RIMBP2: variants seen among roughly 807,000 people sequenced by gnomAD.
The protein encoded by RIMBP2 is RIMS binding protein 2, also known as RIMS-binding protein 2.
In RIMBP2, 48 loss-of-function variants were observed where a neutral mutation model predicts 118.6. The ratio of observed to expected loss-of-function variants is 0.40; its 90% CI spans 0.32 to 0.51. The LOEUF (loss-of-function observed/expected upper bound fraction) is 0.51, where lower values mean the gene tolerates loss of function less well. Ranked by LOEUF, RIMBP2 falls within the 20% of genes least tolerant of loss-of-function variation. The pLI, the probability that RIMBP2 is intolerant of heterozygous loss-of-function variation, is 0.41. For missense variants in RIMBP2, 1,551 were observed against 1,768.3 expected, an observed-to-expected ratio of 0.88 and a Z score of 2.20; for synonymous variants, 762 against 742.9, an observed-to-expected ratio of 1.03 and a Z score of -0.42.
At chr12:130,571,983 C>G (rs1258219031) in intron 2 of RIMBP2, among the ~76,000 whole-genome samples, 1 of 152,234 alleles carries the variant, frequency 6.6e-6, no homozygotes, top group African/African-American at 2.4e-5. Flanking sequence ...CCGGCGCCCT[C>G]GGTCACCTCT....
intron 6 of RIMBP2, among the ~76,000 whole-genome samples, chr12:130,464,794 C>A (rs898931386): frequency 1.3e-5 from 2 of 152,252 alleles, no homozygotes; most frequent in Admixed American, 6.5e-5. Flanking sequence ...TGCCCTCACT[C>A]ACCCACACAT....
chr12:130,699,972 C>T (rs1057256912), intron 1 of RIMBP2, among the ~76,000 whole-genome samples: 10 of 146,408 alleles, frequency 6.8e-5, no homozygotes, highest in Non-Finnish European at 1.4e-4. Context: ...TTTTAAAATG[C>T]TAGCAACCAA....
intron 1 of RIMBP2, among the ~76,000 whole-genome samples, chr12:130,713,617 TC>T (rs952619182): frequency 6.6e-6 from 1 of 152,116 alleles, no homozygotes; most frequent in African/African-American, 2.4e-5. Flanking sequence ...GATCCGGTTC[TC>T]CCCCGGGTTC....
intron 2 of RIMBP2, among the ~76,000 whole-genome samples, chr12:130,545,499 C>G (rs553666880): frequency 6.6e-6 from 1 of 152,224 alleles, no homozygotes; most frequent in Admixed American, 6.5e-5. Flanking sequence ...GTTAAATGAA[C>G]ATACATTATT....
chr12:130,667,123 GAAGGAAGGAGA>G (rs2063978988), intron 1 of RIMBP2, among the ~76,000 whole-genome samples: 2 of 61,832 alleles, frequency 3.2e-5, no homozygotes, highest in African/African-American at 1.2e-4. Flanking sequence ...ATGAGGGAGG[GAAGGAAGGAGA>G]GAGGGAGGGA....
intron 1 of RIMBP2, among the ~76,000 whole-genome samples, chr12:130,649,893 C>T (rs1424972410): frequency 6.6e-6 from 1 of 152,122 alleles, no homozygotes; most frequent in East Asian, 1.9e-4. Context: ...CCTGGAGAAG[C>T]TGCCCCACCT....
At chr12:130,443,043 T>G (rs568052551) in intron 10 of RIMBP2, among the ~76,000 whole-genome samples, 7 of 152,138 alleles carry the variant, frequency 4.6e-5, no homozygotes, top group African/African-American at 1.4e-4. Flanking sequence ...CAGGAAAGAT[T>G]TGTTAGAAGG....
At chr12:130,602,312 C>T (rs1413286341) in intron 2 of RIMBP2, among the ~76,000 whole-genome samples, 4 of 152,210 alleles carry the variant, frequency 2.6e-5, no homozygotes, top group Admixed American at 2.6e-4. Context: ...TCTCTCTCAA[C>T]ACCTAACCTA....
chr12:130,635,081 C>A (rs962462469), intron 1 of RIMBP2, among the ~76,000 whole-genome samples: 1 of 152,184 alleles, frequency 6.6e-6, no homozygotes, highest in South Asian at 2.1e-4. Flanking sequence ...AGGATGGAGC[C>A]CATCCCCTGC....
chr12:130,701,901 A>C (rs569041379), intron 1 of RIMBP2, among the ~76,000 whole-genome samples: 2 of 152,086 alleles, frequency 1.3e-5, no homozygotes, highest in Non-Finnish European at 2.9e-5. Flanking sequence ...CTGGAGGTAC[A>C]TGCAGCCCAC....
intron 4 of RIMBP2, among the ~76,000 whole-genome samples, chr12:130,491,340 C>A (rs371120278): frequency 1.3e-5 from 2 of 152,216 alleles, no homozygotes; most frequent in South Asian, 4.1e-4. Context: ...GCGAGCCCAG[C>A]TCACTCTCCC....
rs140329081 is a variant in RIMBP2, at chr12:130,524,175, G to A, written c.-216-6258C>T. 5.3e-5 allele frequency among the ~76,000 whole-genome samples: 8 copies of A among 152,260 alleles called. No homozygotes were observed. In the East Asian group the frequency reaches 1.5e-3, roughly 29 times the overall value. ...ACACGGGAAGCTCCTCAGTGAGAGT[G>A]GACATGGTAATTAACCCACCACGTC... On this transcript the variant is annotated intron_variant, in intron 2 of 22. Coordinates refer to ENST00000690449, the MANE Select transcript of RIMBP2 (RefSeq NM_001393629.1).
At position 130,626,951 on chromosome 12, in the gene RIMBP2, TCAC is replaced by T. The variant is rs547238151; in HGVS notation, c.-217+1368_-217+1370del. On this transcript the variant is annotated intron_variant, in intron 2 of 22. Transcript: ENST00000690449. ...GCCAGCATCACCATTACCACCATTATCACCACGACTACCGCCAGCATCACCATC... is the reference window on the plus strand; with the variant it reads ...GCCAGCATCACCATTACCACCATTATCACGACTACCGCCAGCATCACCATC... Among the ~76,000 whole-genome samples, 64 of 148,302 alleles carry T rather than the reference TCAC, an allele frequency of 4.3e-4. 1 individual carries two copies. The highest frequency in any genetic ancestry group is 4.3e-3 in the East Asian group (21 of 4,894).
rs867770156 is a variant in RIMBP2, at chr12:130,511,671, C to T, written c.-126-4901G>A. 5.3e-5 allele frequency among the ~76,000 whole-genome samples: 8 copies of T among 152,184 alleles called. No homozygotes were observed. The highest frequency in any genetic ancestry group is 1.9e-4 in the East Asian group (1 of 5,192). On this transcript the variant is annotated intron_variant, in intron 3 of 22. Transcript: ENST00000690449. This position sits in a 1 kb window ranked among gnomAD's most constrained non-coding sequence, Gnocchi z 4.3. ...TCTCCTGCTGGGACCAGACTGAGAC[C>T]GTCTGTGACACGGTTCTGATGAGCC...
intron 2 of RIMBP2, among the ~76,000 whole-genome samples, chr12:130,604,920 T>C (rs1952080804): frequency 6.6e-6 from 1 of 151,744 alleles, no homozygotes; most frequent in Admixed American, 6.6e-5. Context: ...TACTGTGCCT[T>C]TTCTGCAAGG....
Position 130,424,675 on chromosome 12 carries a change from C to A in RIMBP2, c.2596G>T (p.Glu866Ter). The change falls in exon 16 of 23, where the codon GAG becomes TAG. Residue 866 changes from glutamate (E) to a stop codon, truncating the protein, a stop_gained. Transcript: ENST00000690449. LOFTEE classifies it high-confidence loss of function. The surrounding 1 kb of genome is among the most constrained non-coding windows in gnomAD (Gnocchi z 9.8). ...SPRARTGLAREPRPGRPYRGD... is the reference protein window; with the variant it reads ...SPRARTGLAR ...CTGTAGGGCCTGCCGGGCCTGGGCT[C>A]TCTGGCCAGCCCCGTCCTGGCCCTG... 8.1e-7 allele frequency: 1 copy of A among 1,231,910 alleles called. No individual in the cohort carries two copies. Among genetic ancestry groups the A allele is most frequent in the Non-Finnish European group, 1.0e-6 (1 of 987,890 alleles). 76.3% of individuals were successfully genotyped at this position (1,231,910 alleles called of 1,614,324 possible). A position where few individuals can be genotyped will look rare whatever the true frequency, so the allele number is the denominator to read the frequency against.
At chr12:130,645,790 A>G (rs1056973262) in intron 1 of RIMBP2, among the ~76,000 whole-genome samples, 1 of 152,178 alleles carries the variant, frequency 6.6e-6, no homozygotes, top group South Asian at 2.1e-4. Context: ...CATGCTTTTT[A>G]TATTTAAGCC....
intron 2 of RIMBP2, among the ~76,000 whole-genome samples, chr12:130,601,978 G>A (rs1367044616): frequency 3.9e-5 from 6 of 152,100 alleles, no homozygotes; most frequent in Non-Finnish European, 5.9e-5. Flanking sequence ...GCCAAGAAAG[G>A]TCTCCAGAGA....
chr12:130,454,222 A>G (rs2079228917), intron 7 of RIMBP2, among the ~76,000 whole-genome samples: 1 of 152,220 alleles, frequency 6.6e-6, no homozygotes, highest in Non-Finnish European at 1.5e-5. Flanking sequence ...CAATTGATTT[A>G]TGTTACATCG....
Sources: gnomAD v4.1 joint callset for allele counts (sites outside exome capture counted in the v4.1 genomes callset) on GRCh38, gnomAD v4.1.1 for gene constraint, Gnocchi (gnomAD v3.1) non-coding constraint, MANE v1.5 for transcripts, NCBI Gene and HGNC (gene_info 2026-07-23, HGNC 2026-07-21) for gene names.